Variants in GRID2 observed in about 807,000 individuals in gnomAD.
The protein encoded by GRID2 is glutamate ionotropic receptor delta type subunit 2, also known as glutamate receptor ionotropic, delta-2.
GRID2 carries 33 observed loss-of-function variants against 114.8 expected under a neutral mutation model. The observed-to-expected ratio is 0.29, with a 90% CI of 0.22 to 0.38. The LOEUF (loss-of-function observed/expected upper bound fraction) is 0.38. GRID2 is among the 10% of genes least tolerant of loss of function. The pLI, the probability that GRID2 is intolerant of heterozygous loss-of-function variation, is 1.00. For synonymous variants in GRID2, 505 were observed against 449.9 expected (o/e 1.12, Z -1.55); for missense variants, 1,184 against 1,257.7 (o/e 0.94, Z 0.89).
chr4:93,584,741 A>G (rs1044380601), intron 13 of GRID2, among the ~76,000 whole-genome samples: 1 of 152,136 alleles, frequency 6.6e-6, no homozygotes, highest in African/African-American at 2.4e-5. Context: ...CTGGGAATTT[A>G]ACTATGTTTA....
At chr4:93,710,441 C>G (rs539590297) in intron 14 of GRID2, among the ~76,000 whole-genome samples, 46 of 152,290 alleles carry the variant, frequency 3.0e-4, no homozygotes, top group African/African-American at 1.0e-3. Flanking sequence ...TGGAGTATCT[C>G]TTTCTACGGT....
chr4:93,685,899 T>C (rs1394352067), intron 14 of GRID2, among the ~76,000 whole-genome samples: 1 of 151,996 alleles, frequency 6.6e-6, no homozygotes, highest in Non-Finnish European at 1.5e-5. Context: ...TTCTGTATGT[T>C]CTCAGCCTCC....
At chr4:93,434,358 G>A (rs1222404179) in intron 10 of GRID2, among the ~76,000 whole-genome samples, 1 of 152,046 alleles carries the variant, frequency 6.6e-6, no homozygotes, top group African/African-American at 2.4e-5. Context: ...TAAATGTCGA[G>A]TTAATGGTTG....
At chr4:93,634,626 C>T (rs551989233) in intron 14 of GRID2, among the ~76,000 whole-genome samples, 14 of 152,048 alleles carry the variant, frequency 9.2e-5, no homozygotes, top group Admixed American at 5.2e-4. Flanking sequence ...TATGCAGCAC[C>T]GTTCACCAGC....
intron 1 of GRID2, among the ~76,000 whole-genome samples, chr4:92,451,467 A>C (rs1720921458): frequency 1.3e-5 from 2 of 152,208 alleles, no homozygotes; most frequent in Admixed American, 1.3e-4. Context: ...TAGTATATAA[A>C]TCACTTACAA....
chr4:92,699,054 G>A (rs1734549312), intron 2 of GRID2, among the ~76,000 whole-genome samples: 1 of 151,632 alleles, frequency 6.6e-6, no homozygotes, highest in South Asian at 2.1e-4. Context: ...TTTTATTATA[G>A]CCTCAAAGCA....
chr4:92,710,144 C>A (rs948881895), intron 2 of GRID2, among the ~76,000 whole-genome samples: 1 of 151,942 alleles, frequency 6.6e-6, no homozygotes, highest in Non-Finnish European at 1.5e-5. Flanking sequence ...AAAAACTGTT[C>A]TTTTCTTGAT....
At chr4:93,598,509 T>A (rs1389749737) in intron 13 of GRID2, among the ~76,000 whole-genome samples, 1 of 152,222 alleles carries the variant, frequency 6.6e-6, no homozygotes, top group African/African-American at 2.4e-5. Flanking sequence ...AGAGAATAAA[T>A]GTTAACTTTT....
chr4:93,635,577 T>C (rs1379007409), intron 14 of GRID2, among the ~76,000 whole-genome samples: 7 of 152,058 alleles, frequency 4.6e-5, no homozygotes, highest in African/African-American at 1.7e-4. Flanking sequence ...ACCTCCTCTT[T>C]AAAACATCTG....
intron 2 of GRID2, among the ~76,000 whole-genome samples, chr4:93,001,421 T>C (rs781276240): frequency 6.6e-6 from 1 of 151,654 alleles, no homozygotes; most frequent in Non-Finnish European, 1.5e-5. Flanking sequence ...GTTGGATTAA[T>C]ATGTAAATGA....
intron 2 of GRID2, among the ~76,000 whole-genome samples, chr4:93,008,411 C>T (rs1037816013): frequency 6.6e-6 from 1 of 152,056 alleles, no homozygotes; most frequent in African/African-American, 2.4e-5. Context: ...AAGTAACAGC[C>T]TTTGAAGTCT....
Position 93,079,105 on chromosome 4 carries a change from A to C in GRID2, c.245-5890A>C, listed in dbSNP as rs556882376. 5.0e-4 allele frequency among the ~76,000 whole-genome samples: 76 copies of C among 151,740 alleles called. 1 individual carries two copies. The highest frequency in any genetic ancestry group is 1.7e-3 in the African/African-American group (71 of 41,530). ...TTAGCCATGCTGATCAAATGATAAA[A>C]TGTATGTGAAACCATTTTTTAAACT... On this transcript the variant is annotated intron_variant, in intron 2 of 15. Coordinates refer to ENST00000282020, the MANE Select transcript of GRID2 (RefSeq NM_001510.4).
At chr4:93,730,564 C>T (rs988679942) in intron 14 of GRID2, among the ~76,000 whole-genome samples, 8 of 152,168 alleles carry the variant, frequency 5.3e-5, no homozygotes, top group Non-Finnish European at 1.2e-4. Flanking sequence ...TTGGCTCCCC[C>T]CAATCCCATT....
At chr4:92,990,548 C>T (rs1754830132) in intron 2 of GRID2, among the ~76,000 whole-genome samples, 2 of 151,806 alleles carry the variant, frequency 1.3e-5, no homozygotes, top group Non-Finnish European at 2.9e-5. Context: ...CTCCTGACTA[C>T]AGGTGATCTA....
At chr4:92,840,683 A>G (rs1251384631) in intron 2 of GRID2, among the ~76,000 whole-genome samples, 1 of 152,026 alleles carries the variant, frequency 6.6e-6, no homozygotes, top group Non-Finnish European at 1.5e-5. Context: ...TTCATTGAGC[A>G]TATATGTCCT....
chr4:93,544,743 C>G (rs6827574), intron 13 of GRID2, among the ~76,000 whole-genome samples: 45,962 of 148,588 alleles, frequency 0.31, 7,728 homozygotes, highest in African/African-American at 0.43. Context: ...CACCATTGCA[C>G]TTCAGCCTGG....
chr4:93,463,402 A>T (rs1033638221), intron 11 of GRID2, among the ~76,000 whole-genome samples: 2 of 152,180 alleles, frequency 1.3e-5, no homozygotes, highest in Non-Finnish European at 2.9e-5. Context: ...ATTTAGCTTG[A>T]TACCGACTCC....
intron 2 of GRID2, among the ~76,000 whole-genome samples, chr4:92,910,241 C>T (rs924147228): frequency 1.3e-5 from 2 of 151,906 alleles, no homozygotes. Flanking sequence ...ATGCTCAGGA[C>T]TTAATCAGAA....
intron 2 of GRID2, among the ~76,000 whole-genome samples, chr4:93,060,285 A>T (rs1727659930): frequency 6.6e-6 from 1 of 152,112 alleles, no homozygotes; most frequent in Admixed American, 6.6e-5. Context: ...CTTTTTTGGA[A>T]AAATAAAAAA....
Sources: gnomAD v4.1 joint callset for allele counts (sites outside exome capture counted in the v4.1 genomes callset) on GRCh38, gnomAD v4.1.1 for gene constraint, MANE v1.5 for transcripts, NCBI Gene and HGNC (gene_info 2026-07-23, HGNC 2026-07-21) for gene names.